IL20RA: variants seen among roughly 807,000 people sequenced by gnomAD.
The protein encoded by IL20RA is interleukin 20 receptor subunit alpha, also known as interleukin-20 receptor subunit alpha.
In IL20RA, 29 loss-of-function variants were observed where a neutral mutation model predicts 36.5. The ratio of observed to expected loss-of-function variants is 0.79; its 90% confidence interval spans 0.59 to 1.08. The LOEUF is 1.08. Among genes scored for constraint, IL20RA ranks in the 50% least tolerant of loss-of-function variants. The pLI, the probability that IL20RA is intolerant of heterozygous loss-of-function variation, is 0.00. For synonymous variants in IL20RA, 279 were observed against 267.1 expected (o/e 1.04, Z -0.43); for missense variants, 652 against 668.4 (o/e 0.98, Z 0.27).
chr6:137,003,106 G>A (rs1159285883), intron 6 of IL20RA, among the ~76,000 whole-genome samples: 1 of 152,156 alleles, frequency 6.6e-6, no homozygotes, highest in Non-Finnish European at 1.5e-5. Context: ...TTACAAAACA[G>A]AACCTTCAGC....
rs914442948 is a variant in IL20RA at position 137,044,490 on chromosome 6, A to G, written c.88+151T>C. On this transcript the variant is annotated intron_variant, in intron 1 of 6. Coordinates refer to ENST00000316649, the MANE Select transcript of IL20RA (RefSeq NM_014432.4). ...GGCTCCCTGCAGCCCCGGGGCTGGA[A>G]GCTCCGGCCTCCGCGCACCTCGTCC... 5.4e-5 allele frequency: 47 copies of G among 868,952 alleles called. No individual in the cohort carries two copies. The African/African-American group carries it at 8.3e-4, about 15-fold the overall frequency. The allele number at this position is 868,952 out of a possible 1,614,324, so 53.8% of individuals were successfully genotyped here.
At chr6:137,037,114 A>T (rs1776517834) in intron 1 of IL20RA, among the ~76,000 whole-genome samples, 1 of 152,228 alleles carries the variant, frequency 6.6e-6, no homozygotes, top group African/African-American at 2.4e-5. Flanking sequence ...AAGCGGGGTG[A>T]AAAGTATACA....
chr6:137,006,680 GT>G (rs1442567248), intron 5 of IL20RA, among the ~76,000 whole-genome samples: 2 of 151,862 alleles, frequency 1.3e-5, no homozygotes, highest in Non-Finnish European at 2.9e-5. Context: ...GATAGCACGG[GT>G]TCAGAACCAG....
At chr6:137,019,160 TCTGTTGC>T (rs1482641073) in intron 1 of IL20RA, among the ~76,000 whole-genome samples, 1 of 151,378 alleles carries the variant, frequency 6.6e-6, no homozygotes, top group African/African-American at 2.4e-5. Flanking sequence ...AGAGTCTCAC[TCTGTTGC>T]CCATGCTGGA....
chr6:137,021,551 C>T (rs1775908061), intron 1 of IL20RA, among the ~76,000 whole-genome samples: 1 of 149,616 alleles, frequency 6.7e-6, no homozygotes, highest in Admixed American at 6.7e-5. Context: ...TGGTGGTGGG[C>T]ACCTGTAGTC....
intron 5 of IL20RA, 101 bp downstream of exon 5, chr6:137,008,498 T>G: frequency 8.0e-7 from 1 of 1,256,898 alleles, no homozygotes; most frequent in Non-Finnish European, 1.1e-6. Flanking sequence ...AACCTGTTTC[T>G]GTTAGACACG....
chr6:137,032,326 G>A (rs115414470), intron 1 of IL20RA, among the ~76,000 whole-genome samples: 2,125 of 152,268 alleles, frequency 0.014, 40 homozygotes, highest in African/African-American at 0.048. Context: ...GCGGGTGGAG[G>A]GCACAAGGCA....
At chr6:137,034,837 T>C (rs1462342634) in intron 1 of IL20RA, among the ~76,000 whole-genome samples, 1 of 151,406 alleles carries the variant, frequency 6.6e-6, no homozygotes, top group Admixed American at 6.6e-5. Context: ...CCTAGCTACT[T>C]GGGAGGCTGA....
chr6:137,026,839 C>T (rs1272442016), intron 1 of IL20RA, among the ~76,000 whole-genome samples: 1 of 151,884 alleles, frequency 6.6e-6, no homozygotes, highest in Admixed American at 6.6e-5. Context: ...AATTGATCTC[C>T]CTTCTTCTTC....
chr6:137,002,269 C>T lies in IL20RA; in HGVS notation c.951G>A (p.Ser317=), dbSNP rs556273294. Reference sequence around the variant, plus strand: ...CCTGATGAGAAATTTTAGAATCATCCGAGATATTGAGGGTGATAAAGTTAA... The same window carrying T: ...CCTGATGAGAAATTTTAGAATCATCTGAGATATTGAGGGTGATAAAGTTAA... ...IVINFITLNI[S]DDSKISHQDM... is the part of the protein sequence containing the mutation. The change falls in exon 7 of 7, where the codon TCG becomes TCA. Residue 317 remains serine (S), a synonymous_variant. Coordinates refer to ENST00000316649, the MANE Select transcript of IL20RA (RefSeq NM_014432.4). The T allele has an allele frequency of 1.9e-5, 31 of 1,613,404 alleles. No homozygotes were observed. Among genetic ancestry groups the T allele is most frequent in the Middle Eastern group, 1.7e-4 (1 of 6,046 alleles).
chr6:137,044,151 T>C, intron 1 of IL20RA: 2 of 985,830 alleles, frequency 2.0e-6, no homozygotes, highest in Non-Finnish European at 2.4e-6. Flanking sequence ...TCGGGGAGTT[T>C]GGCTTTTAAA....
chr6:137,031,048 C>A (rs949688050), intron 1 of IL20RA, among the ~76,000 whole-genome samples: 1 of 152,174 alleles, frequency 6.6e-6, no homozygotes, highest in African/African-American at 2.4e-5. Flanking sequence ...TTAACAATAA[C>A]TATTGTTATT....
chr6:137,041,977 G>C (rs1311809231), intron 1 of IL20RA, among the ~76,000 whole-genome samples: 2 of 148,598 alleles, frequency 1.3e-5, no homozygotes, highest in Non-Finnish European at 1.5e-5. Flanking sequence ...CCCACCCCCC[G>C]ACAGGCTCTG....
rs921314758 is a variant in IL20RA, at chr6:137,044,672, C to T, written c.57G>A (p.Leu19=). ...GTCCCCAAGGCGCCGCCAGGAGCAA[C>T]AGCAGCAGCGGCGGCAGCGGCAGCG... ...LRPLPLPPLL[L]LLLAAPWGRA... is the part of the protein sequence containing the mutation. Residue 19 remains leucine, a synonymous_variant, in exon 1 of 7, where the codon CTG becomes CTA. Transcript: ENST00000316649. The T allele has an allele frequency of 1.0e-4, 122 of 1,225,790 alleles. No individual in the cohort carries two copies. Among genetic ancestry groups the T allele is most frequent in the Non-Finnish European group, 1.2e-4 (121 of 984,290 alleles). The allele number at this position is 1,225,790 out of a possible 1,614,324, so 75.9% of individuals were successfully genotyped here.
chr6:137,017,049 A>T lies in IL20RA; in HGVS notation c.143T>A (p.Ile48Asn), dbSNP rs28409601. 1 of 1,613,370 alleles carries T rather than the reference A, an allele frequency of 6.2e-7. No homozygotes were observed. Among genetic ancestry groups the T allele is most frequent in the East Asian group, 2.2e-5 (1 of 44,872 alleles). ...PKPANITFLS[I>N]NMKNVLQWTP... ...CCATTGTAGGACATTCTTCATGTTG[A>T]TGGATAAGAAGGTGATGTTTGCAGG... is the stretch of plus-strand genomic sequence containing the variant. The change falls in exon 2 of 7, where the codon ATC becomes AAC. Residue 48 changes from isoleucine to asparagine, a missense_variant. Physicochemically the swap from Ile to Asn is moderately radical, Grantham distance 149 (BLOSUM62 -3). Transcript: ENST00000316649.
chr6:137,043,991 AG>A (rs775036934), intron 1 of IL20RA: 9 of 514,800 alleles, frequency 1.7e-5, no homozygotes, highest in Non-Finnish European at 2.3e-5. Flanking sequence ...GTCGTAAACG[AG>A]TTAAAAGTTT....
rs747024327 is a variant in IL20RA, at chr6:137,009,500, G to A, written c.404-8C>T. On this transcript the variant is annotated splice_region_variant and splice_polypyrimidine_tract_variant and intron_variant, in intron 3 of 6. Transcript: ENST00000316649. The stretch of plus-strand genomic sequence containing the variant: ...CTGGTGGGCCAATTTGTGCTTAAAG[G>A]GGGAGAAAGAGGGTATTATCATGTT... The A allele has an allele frequency of 6.3e-7, 1 of 1,583,202 alleles. No homozygotes were observed. Among genetic ancestry groups the A allele is most frequent in the South Asian group, 1.1e-5 (1 of 90,372 alleles).
At chr6:137,034,801 C>T (rs1023240064) in intron 1 of IL20RA, among the ~76,000 whole-genome samples, 4 of 151,914 alleles carry the variant, frequency 2.6e-5, no homozygotes, top group African/African-American at 4.8e-5. Context: ...AAAAATGAGC[C>T]GGGCGTGGTG....
intron 1 of IL20RA, among the ~76,000 whole-genome samples, chr6:137,021,514 A>C (rs1198272193): frequency 1.8e-5 from 1 of 55,048 alleles, no homozygotes; most frequent in African/African-American, 2.9e-5. Context: ...AAAAAAAAAA[A>C]ACACAAGAAA....
Sources: gnomAD v4.1 joint callset for allele counts (sites outside exome capture counted in the v4.1 genomes callset) on GRCh38, gnomAD v4.1.1 for gene constraint, MANE v1.5 for transcripts, NCBI Gene and HGNC (gene_info 2026-07-23, HGNC 2026-07-21) for gene names.